GRIK4: variants seen among roughly 807,000 people sequenced by gnomAD.
GRIK4 encodes glutamate ionotropic receptor kainate type subunit 4, also known as glutamate receptor ionotropic, kainate 4.
GRIK4 carries 40 observed loss-of-function variants against 104.9 expected under a neutral mutation model. The observed-to-expected ratio is 0.38, with a 90% confidence interval of 0.30 to 0.50. The LOEUF is 0.50. GRIK4 is among the 20% of genes least tolerant of loss of function. The pLI is 0.93. For synonymous variants in GRIK4, 485 were observed against 524.9 expected, an observed-to-expected ratio of 0.92 and a Z score of 1.04; for missense variants, 1,047 against 1,308.1, an observed-to-expected ratio of 0.80 and a Z score of 3.08.
intron 1 of GRIK4, among the ~76,000 whole-genome samples, chr11:120,652,730 A>G (rs1384298767): frequency 6.6e-6 from 1 of 152,036 alleles, no homozygotes. Context: ...CTGCCGCCCC[A>G]CAGAGACTGG....
At chr11:120,911,457 T>C (rs1942992233) in intron 13 of GRIK4, among the ~76,000 whole-genome samples, 1 of 146,986 alleles carries the variant, frequency 6.8e-6, no homozygotes, top group Non-Finnish European at 1.5e-5. Flanking sequence ...CAGGATGGTC[T>C]CGATCTCCTG....
chr11:120,670,514 T>C (rs939281061), intron 3 of GRIK4, among the ~76,000 whole-genome samples: 1 of 152,212 alleles, frequency 6.6e-6, no homozygotes, highest in African/African-American at 2.4e-5. Context: ...TCTTTGCTTT[T>C]CCTCAAATGC....
chr11:120,656,369 TA>T (rs1949710197), intron 2 of GRIK4, among the ~76,000 whole-genome samples: 1 of 152,244 alleles, frequency 6.6e-6, no homozygotes, highest in African/African-American at 2.4e-5. Flanking sequence ...TCATCTGTAA[TA>T]GAGCTTGTTC....
At chr11:120,892,185 C>G (rs1003105213) in intron 11 of GRIK4, among the ~76,000 whole-genome samples, 6 of 151,854 alleles carry the variant, frequency 4.0e-5, no homozygotes, top group African/African-American at 1.5e-4. Flanking sequence ...TGCACTTGAA[C>G]GCGGGAGGAA....
At position 120,985,977 on chromosome 11, in the gene GRIK4, G is replaced by C; in HGVS notation, c.2588G>C (p.Arg863Pro). The change falls in exon 21 of 21, where the codon CGG (arginine) becomes CCG (proline). Residue 863 changes from arginine to proline, a missense_variant. Around this residue, in one of 3 missense-constraint regions of GRIK4, gnomAD observed 440 missense variants for 652.3 expected, o/e 0.67. Coordinates refer to ENST00000527524, the MANE Select transcript of GRIK4 (RefSeq NM_014619.5). ...ILCQDSIHPR[R>P]RRAAVPPPRP... The stretch of plus-strand genomic sequence containing the variant: ...TGTCAGGACAGTATCCACCCCCGCC[G>C]GCGGCGCGCCGCAGTCCCGCCGCCC... 1 of 1,535,280 alleles carries C rather than the reference G, an allele frequency of 6.5e-7. No individual in the cohort carries two copies. Among genetic ancestry groups the C allele is most frequent in the Non-Finnish European group, 8.8e-7 (1 of 1,141,210 alleles).
chr11:120,608,972 A>G (rs1948997794), intron 1 of GRIK4, among the ~76,000 whole-genome samples: 1 of 152,244 alleles, frequency 6.6e-6, no homozygotes, highest in African/African-American at 2.4e-5. Flanking sequence ...GATTTGCTGA[A>G]ATACAATAGC....
intron 11 of GRIK4, among the ~76,000 whole-genome samples, chr11:120,892,116 CAAGG>C (rs1282233179): frequency 6.6e-6 from 1 of 152,046 alleles, no homozygotes; most frequent in African/African-American, 2.4e-5. Flanking sequence ...GTTCATGTGG[CAAGG>C]AGAGTTCCAG....
At chr11:120,748,012 G>A (rs1019490685) in intron 3 of GRIK4, among the ~76,000 whole-genome samples, 3 of 152,138 alleles carry the variant, frequency 2.0e-5, no homozygotes, top group South Asian at 2.1e-4. Context: ...TCACTGCCAG[G>A]CGCCTCTGTG....
At chr11:120,646,963 G>T (rs1014497463) in intron 1 of GRIK4, among the ~76,000 whole-genome samples, 3 of 152,208 alleles carry the variant, frequency 2.0e-5, no homozygotes, top group African/African-American at 7.2e-5. Flanking sequence ...AGAGATTCAA[G>T]GATCTGACCA....
intron 3 of GRIK4, among the ~76,000 whole-genome samples, chr11:120,765,214 A>C (rs961628688): frequency 2.6e-5 from 4 of 151,156 alleles, no homozygotes; most frequent in Non-Finnish European, 5.9e-5. Flanking sequence ...GTTGATCTTC[A>C]ATCTCTGATA....
chr11:120,569,877 G>A (rs1948376168), intron 1 of GRIK4, among the ~76,000 whole-genome samples: 1 of 152,206 alleles, frequency 6.6e-6, no homozygotes, highest in African/African-American at 2.4e-5. Context: ...GACCACATCT[G>A]CTAGATGTGT....
chr11:120,767,524 T>TTTGCTGTACAGAA (rs1057226925), intron 3 of GRIK4, among the ~76,000 whole-genome samples: 1 of 152,212 alleles, frequency 6.6e-6, no homozygotes, highest in African/African-American at 2.4e-5. Context: ...TGTTGTTTAT[T>TTTGCTGTACAGAA]TTGCTGTACA....
At chr11:120,889,405 ATCACTTCTGTGCAC>A (rs1438773433) in intron 11 of GRIK4, among the ~76,000 whole-genome samples, 1 of 151,978 alleles carries the variant, frequency 6.6e-6, no homozygotes, top group African/African-American at 2.4e-5. Flanking sequence ...ATATGTCAGA[ATCACTTCTGTGCAC>A]TCAAGAAGCC....
Position 120,693,368 on chromosome 11 carries a change from G to C in GRIK4, c.82+32968G>C, listed in dbSNP as rs552185370. ...GATTCGCCTGGCGTGGCCTCCCAAA[G>C]TGCTGGGATTGCAGGCATGACCACC... is the stretch of plus-strand genomic sequence containing the variant. On this transcript the variant is annotated intron_variant, in intron 3 of 20. Transcript: ENST00000527524. 2.3e-3 allele frequency among the ~76,000 whole-genome samples: 345 copies of C among 152,280 alleles called. 2 individuals are homozygous for C. Among genetic ancestry groups the C allele is most frequent in the Non-Finnish European group, 4.4e-4 (30 of 68,016 alleles).
chr11:120,653,176 G>A (rs1949645472), intron 1 of GRIK4, among the ~76,000 whole-genome samples: 1 of 152,242 alleles, frequency 6.6e-6, no homozygotes, highest in South Asian at 2.1e-4. Flanking sequence ...AGGTGAATAA[G>A]CATGTTAAAG....
intron 3 of GRIK4, among the ~76,000 whole-genome samples, chr11:120,767,461 A>T (rs1951860115): frequency 6.6e-6 from 1 of 152,110 alleles, no homozygotes; most frequent in Admixed American, 6.5e-5. Context: ...TTCTTATCAG[A>T]TATGTGGTTT....
rs56807699 is a variant in GRIK4 at position 120,897,601 on chromosome 11, C to CAAAAAAAAAAAAA, written c.1165-917_1165-905dup. Among the ~76,000 whole-genome samples the CAAAAAAAAAAAAA allele has an allele frequency of 3.5e-3, 46 of 13,054 alleles. 10 individuals carry two copies. The highest frequency in any genetic ancestry group is 4.8e-3 in the African/African-American group (26 of 5,434). The allele number at this position is 13,054 out of a possible 152,430, so 8.6% of individuals were successfully genotyped here. A position where few individuals can be genotyped will look rare whatever the true frequency, so the allele number is the denominator to read the frequency against. ...TGGGTGACAGAACAAGACTCCTTCT[C>CAAAAAAAAAAAAA]AAAAAAAAAAAAAAAAAAAAAAAAA... On this transcript the variant is annotated intron_variant, in intron 11 of 20. Transcript: ENST00000527524.
chr11:120,950,799 T>C (rs1943982186), intron 14 of GRIK4, among the ~76,000 whole-genome samples: 1 of 152,200 alleles, frequency 6.6e-6, no homozygotes, highest in South Asian at 2.1e-4. Context: ...GGGACTTGGA[T>C]TCTGCTGCTC....
At chr11:120,548,840 G>C (rs916446497) in intron 1 of GRIK4, among the ~76,000 whole-genome samples, 2 of 152,146 alleles carry the variant, frequency 1.3e-5, no homozygotes, top group Admixed American at 6.5e-5. Context: ...CAGCAGAAGG[G>C]GCCGAATCTG....
Sources: allele counts gnomAD v4.1 joint callset (sites outside exome capture counted in the v4.1 genomes callset), GRCh38; gene constraint gnomAD v4.1.1; regional missense constraint gnomAD v4.1.1; transcripts MANE v1.5; gene names NCBI Gene and HGNC (gene_info 2026-07-23, HGNC 2026-07-21).